The following WRN variants were observed in gnomAD, a reference collection of about 807,000 sequenced individuals.
WRN encodes the protein WRN RecQ like helicase.
In WRN, 149 loss-of-function variants were observed where a neutral mutation model predicts 180.7. The ratio of observed to expected loss-of-function variants is 0.82; its 90% CI spans 0.72 to 0.94. The LOEUF is 0.94. WRN is among the 40% of genes least tolerant of loss of function. The pLI is 0.00. For synonymous variants in WRN, 548 were observed against 568.9 expected (o/e 0.96, Z 0.52); for missense variants, 1,661 against 1,700.1 (o/e 0.98, Z 0.40).
At chr8:31,148,277 C>T (rs553222264) in intron 30 of WRN, among the ~76,000 whole-genome samples, 4 of 152,252 alleles carry the variant, frequency 2.6e-5, no homozygotes, top group South Asian at 2.1e-4. Context: ...AATGACACCA[C>T]GTTAATTCTG....
chr8:31,119,687 T>A (rs990944307), intron 20 of WRN, among the ~76,000 whole-genome samples: 2 of 151,994 alleles, frequency 1.3e-5, no homozygotes, highest in African/African-American at 4.8e-5. Context: ...TTTATTGTTA[T>A]TACCTAAAAA....
At chr8:31,124,134 T>A (rs946083969) in intron 21 of WRN, among the ~76,000 whole-genome samples, 3 of 152,094 alleles carry the variant, frequency 2.0e-5, no homozygotes, top group African/African-American at 7.2e-5. Context: ...AAATAAAGAA[T>A]AACCTTTTTA....
chr8:31,042,352 G>T (rs1811691918), intron 1 of WRN, among the ~76,000 whole-genome samples: 1 of 152,182 alleles, frequency 6.6e-6, no homozygotes, highest in South Asian at 2.1e-4. Context: ...GTAGGATATA[G>T]ATATTAATGG....
chr8:31,067,239 T>A (rs1283687863), intron 6 of WRN, 57 bp downstream of exon 6: 8 of 1,591,366 alleles, frequency 5.0e-6, no homozygotes, highest in Non-Finnish European at 6.8e-6. Flanking sequence ...TTATTATAAA[T>A]GACTTTAGAA....
At chr8:31,056,270 T>G (rs1812269971) in intron 1 of WRN, among the ~76,000 whole-genome samples, 1 of 152,230 alleles carries the variant, frequency 6.6e-6, no homozygotes, top group African/African-American at 2.4e-5. Flanking sequence ...ACTCTAAGTA[T>G]AGCAGAAATT....
At chr8:31,134,925 A>T (rs1046209341) in intron 24 of WRN, among the ~76,000 whole-genome samples, 4 of 152,210 alleles carry the variant, frequency 2.6e-5, no homozygotes, top group African/African-American at 7.2e-5. Flanking sequence ...ATAGAATTAT[A>T]GTTCACAATG....
chr8:31,069,304 G>T (rs1195873572), intron 7 of WRN, among the ~76,000 whole-genome samples: 2 of 152,190 alleles, frequency 1.3e-5, no homozygotes, highest in African/African-American at 2.4e-5. Flanking sequence ...TAAGGTAGAA[G>T]AGTCTTTATT....
chr8:31,067,259 T>G, intron 6 of WRN, 77 bp downstream of exon 6: 1 of 1,520,710 alleles, frequency 6.6e-7, no homozygotes, highest in Admixed American at 1.7e-5. Context: ...AAAATTTTAT[T>G]ATAGTAGTGG....
chr8:31,108,595 G>T (rs775239422), intron 18 of WRN, among the ~76,000 whole-genome samples: 1 of 151,870 alleles, frequency 6.6e-6, no homozygotes, highest in Admixed American at 6.6e-5. Context: ...AAGATTATAA[G>T]TCTGGTTATA....
intron 1 of WRN, among the ~76,000 whole-genome samples, chr8:31,037,577 A>G (rs1811497132): frequency 6.6e-6 from 1 of 152,292 alleles, no homozygotes; most frequent in South Asian, 2.1e-4. Context: ...GTGGTGAGAG[A>G]TAATTGACTA....
intron 1 of WRN, among the ~76,000 whole-genome samples, chr8:31,051,155 A>G (rs1043355239): frequency 6.6e-6 from 1 of 152,064 alleles, no homozygotes; most frequent in African/African-American, 2.4e-5. Flanking sequence ...CAAGTCAGTT[A>G]CCATGGTAAC....
At chr8:31,095,251 G>T (rs1256588591) in intron 16 of WRN, among the ~76,000 whole-genome samples, 1 of 149,568 alleles carries the variant, frequency 6.7e-6, no homozygotes, top group East Asian at 2.0e-4. Flanking sequence ...GGGAGTATCT[G>T]TTCAAATCTT....
chr8:31,062,344 A>C (rs980381360), intron 3 of WRN, among the ~76,000 whole-genome samples: 10 of 152,008 alleles, frequency 6.6e-5, no homozygotes, highest in African/African-American at 2.2e-4. Flanking sequence ...AGTATCAACA[A>C]CAATAGATAA....
At chr8:31,080,704 G>A (rs961216840) in intron 8 of WRN, among the ~76,000 whole-genome samples, 163 bp from the exon 9 acceptor site, 1 of 152,116 alleles carries the variant, frequency 6.6e-6, no homozygotes, top group East Asian at 1.9e-4. Flanking sequence ...CCTGCAAGCT[G>A]TAATTATATA....
intron 1 of WRN, among the ~76,000 whole-genome samples, chr8:31,036,797 C>T (rs933924133): frequency 1.3e-5 from 2 of 151,956 alleles, no homozygotes; most frequent in African/African-American, 2.4e-5. Flanking sequence ...ATATTTTATC[C>T]GATTCTGTAG....
intron 27 of WRN, among the ~76,000 whole-genome samples, chr8:31,143,170 C>T (rs571528073): frequency 9.2e-5 from 14 of 152,064 alleles, no homozygotes; most frequent in Non-Finnish European, 1.3e-4. Flanking sequence ...AATCCACTGG[C>T]AGACTTCAGC....
At chr8:31,106,077 T>C (rs1691717858) in intron 18 of WRN, among the ~76,000 whole-genome samples, 2 of 152,184 alleles carry the variant, frequency 1.3e-5, no homozygotes, top group Non-Finnish European at 2.9e-5. Flanking sequence ...CCATCTTGTT[T>C]AACAGCAGCT....
intron 20 of WRN, 47 bp from the exon 21 acceptor site, chr8:31,120,196 C>T: frequency 6.2e-7 from 1 of 1,608,336 alleles, no homozygotes; most frequent in African/African-American, 1.3e-5. Flanking sequence ...GTAAGGTTTT[C>T]ATTCTGCTAA....
chr8:31,098,863 C>T (rs934576939), intron 17 of WRN, among the ~76,000 whole-genome samples: 1 of 152,082 alleles, frequency 6.6e-6, no homozygotes, highest in African/African-American at 2.4e-5. Flanking sequence ...GTTTGTCAAA[C>T]CTGTAACTAA....
Sources: allele counts gnomAD v4.1 joint callset (sites outside exome capture counted in the v4.1 genomes callset), GRCh38; gene constraint gnomAD v4.1.1; transcripts MANE v1.5; gene names NCBI Gene and HGNC (gene_info 2026-07-23, HGNC 2026-07-21).